The following IRS1 variants were observed in gnomAD, a reference collection of about 807,000 sequenced individuals.
IRS1 encodes insulin receptor substrate 1.
Under a neutral mutation model 65.6 loss-of-function variants are expected in IRS1, and 34 were observed. The ratio of observed to expected loss-of-function variants is 0.52; its 90% CI spans 0.39 to 0.69. The LOEUF is 0.69. Ranked by LOEUF, IRS1 falls within the 30% of genes least tolerant of loss-of-function variation. The pLI, the probability that IRS1 is intolerant of heterozygous loss-of-function variation, is 0.00. For synonymous variants in IRS1, 699 were observed against 683.5 expected (o/e 1.02, Z -0.35); for missense variants, 1,641 against 1,720.2 (o/e 0.95, Z 0.81).
rs542585517 is a variant in IRS1 at position 226,746,343 on chromosome 2, C to T, written c.*22-10093G>A. ...GCTTTTGTTTCCAAATTCTTTTCCC[C>T]AATCTCTCATCTGAAGGAACTGAAC... On this transcript the variant is annotated intron_variant, in intron 1 of 1. Transcript: ENST00000305123. Among the ~76,000 whole-genome samples the T allele has an allele frequency of 8.5e-5, 13 of 152,228 alleles. No homozygotes were observed. In the East Asian group the frequency reaches 2.5e-3, roughly 29 times the overall value.
At chr2:226,758,476 A>G (rs1358022472) in intron 1 of IRS1, among the ~76,000 whole-genome samples, 1 of 152,170 alleles carries the variant, frequency 6.6e-6, no homozygotes, top group Non-Finnish European at 1.5e-5. Context: ...CTTTCCCAAT[A>G]TACAGTTGAA....
Position 226,795,809 on chromosome 2 carries a change from C to T in IRS1, c.2930G>A (p.Arg977Lys), listed in dbSNP as rs765744351. The T allele has an allele frequency of 3.7e-6, 6 of 1,612,906 alleles. No homozygotes were observed. The highest frequency in any genetic ancestry group is 3.4e-6 in the Non-Finnish European group (4 of 1,179,754). ...GCTGCTGGGCACTGCCCGGGTAGGCCTGCAAATGCTAGCAGCCCCGGGAGG... is the reference window on the plus strand; with the variant it reads ...GCTGCTGGGCACTGCCCGGGTAGGCTTGCAAATGCTAGCAGCCCCGGGAGG... Reference protein sequence around the residue: ...PAPPGAASICRPTRAVPSSRG... With the variant: ...PAPPGAASICKPTRAVPSSRG... The change falls in exon 1 of 2, where the codon AGG (arginine) becomes AAG (lysine). Residue 977 changes from arginine (R) to lysine (K), a missense_variant. This residue lies in a region of IRS1 where 1,324 missense variants were observed against 1,361.0 expected (regional missense o/e 0.97). Coordinates refer to ENST00000305123, the MANE Select transcript of IRS1 (RefSeq NM_005544.3).
intron 1 of IRS1, among the ~76,000 whole-genome samples, chr2:226,746,785 CTT>C (rs1213711501): frequency 0.016 from 1,861 of 118,250 alleles, 13 homozygotes; most frequent in African/African-American, 0.056. Context: ...TAGCAGCATT[CTT>C]TTTTTTTTTT....
rs778375751 is a variant in IRS1, at chr2:226,798,616, C to G, written c.123G>C (p.Pro41=). ...VLRAASEAGG[P]ARLEYYENEK... ...CGTTCTCGTAGTACTCGAGGCGCGC[C>G]GGGCCCCCAGCCTCGCTGGCCGCGC... Residue 41 remains proline, a synonymous_variant, in exon 1 of 2, where the codon CCG becomes CCC. Coordinates refer to ENST00000305123, the MANE Select transcript of IRS1 (RefSeq NM_005544.3). The surrounding 1 kb of genome is among the most constrained non-coding windows in gnomAD (Gnocchi z 9.4). 3.1e-6 allele frequency: 5 copies of G among 1,613,158 alleles called. No individual in the cohort carries two copies. The Admixed American group carries it at 8.3e-5, about 27-fold the overall frequency.
chr2:226,789,739 A>T (rs530402149), intron 1 of IRS1, among the ~76,000 whole-genome samples: 1 of 152,300 alleles, frequency 6.6e-6, no homozygotes, highest in Admixed American at 6.5e-5. Context: ...TGACCTTAGG[A>T]TGTAGGAACT....
In IRS1 at chr2:226,796,930, GCTGTCTGGGCGGTGGTGC is replaced by G; in HGVS notation, c.1791_1808del (p.His598_Ser603del). On this transcript the variant is annotated inframe_deletion, in exon 1 of 2. Coordinates refer to ENST00000305123, the MANE Select transcript of IRS1 (RefSeq NM_005544.3). Reference sequence around the variant, plus strand: ...AGCCATCATCCGTGTGGAGGGTGGAGCTGTCTGGGCGGTGGTGCCCCCCCCGACGCTCCAAGGGGTGCA... The same window carrying G: ...AGCCATCATCCGTGTGGAGGGTGGAGCCCCCCCGACGCTCCAAGGGGTGCA... 1 of 1,551,238 alleles carries G rather than the reference GCTGTCTGGGCGGTGGTGC, an allele frequency of 6.4e-7. No individual in the cohort carries two copies. Among genetic ancestry groups the G allele is most frequent in the Non-Finnish European group, 8.7e-7 (1 of 1,146,694 alleles).
intron 1 of IRS1, among the ~76,000 whole-genome samples, chr2:226,746,132 AT>A (rs1938538868): frequency 6.6e-6 from 1 of 152,198 alleles, no homozygotes; most frequent in Non-Finnish European, 1.5e-5. Flanking sequence ...CTTGAAAAAA[AT>A]CAGAAGCTTG....
chr2:226,782,274 C>A (rs1939398645), intron 1 of IRS1, among the ~76,000 whole-genome samples: 1 of 152,064 alleles, frequency 6.6e-6, no homozygotes, highest in Non-Finnish European at 1.5e-5. Context: ...TGTTCTGTAA[C>A]CTCAGGAACA....
At position 226,797,932 on chromosome 2, in the gene IRS1, C is replaced by G. The variant is rs574845417; in HGVS notation, c.807G>C (p.Lys269Asn). Reference protein sequence around the residue: ...AMSDEFRPRSKSQSSSNCSNP... With the variant: ...AMSDEFRPRSNSQSSSNCSNP... Reference sequence around the variant, plus strand: ...TAGAGCAGTTGGACGAGGACTGGCTCTTGCTGCGAGGGCGGAACTCATCAC... The same window carrying G: ...TAGAGCAGTTGGACGAGGACTGGCTGTTGCTGCGAGGGCGGAACTCATCAC... The change falls in exon 1 of 2, where the codon AAG (lysine) becomes AAC (asparagine). Residue 269 changes from lysine to asparagine, a missense_variant. Physicochemically the swap from Lys to Asn is moderately conservative, Grantham distance 94 (BLOSUM62 0). This residue lies in a region of IRS1 where 1,324 missense variants were observed against 1,361.0 expected (regional missense o/e 0.97). Coordinates refer to ENST00000305123, the MANE Select transcript of IRS1 (RefSeq NM_005544.3). This position sits in a 1 kb window ranked among gnomAD's most constrained non-coding sequence, Gnocchi z 8.1. 1 of 1,614,052 alleles carries G rather than the reference C, an allele frequency of 6.2e-7. No individual in the cohort carries two copies. Among genetic ancestry groups the G allele is most frequent in the East Asian group, 2.2e-5 (1 of 44,878 alleles).
In IRS1 at chr2:226,741,786, AACACACAC is replaced by A. The variant is rs145806509; in HGVS notation, c.*22-5544_*22-5537del. On this transcript the variant is annotated intron_variant, in intron 1 of 1. Coordinates refer to ENST00000305123, the MANE Select transcript of IRS1 (RefSeq NM_005544.3). Reference sequence around the variant, plus strand: ...CTGAATCTGGCAAATGAGCCCAGTAAACACACACACACACACACACACACACACACACA... The same window carrying A: ...CTGAATCTGGCAAATGAGCCCAGTAAACACACACACACACACACACACACA... Among the ~76,000 whole-genome samples the A allele has an allele frequency of 4.2e-3, 578 of 138,534 alleles. 3 individuals are homozygous for A. Among genetic ancestry groups the A allele is most frequent in the African/African-American group, 0.014 (518 of 37,020 alleles). The allele number at this position is 138,534 out of a possible 152,430, so 90.9% of individuals were successfully genotyped here.
chr2:226,785,113 C>T (rs934647089), intron 1 of IRS1, among the ~76,000 whole-genome samples: 6 of 152,110 alleles, frequency 3.9e-5, no homozygotes, highest in Admixed American at 3.3e-4. Context: ...TTCTTTTGAG[C>T]ACTGAAAAAT....
chr2:226,752,471 A>T (rs2106163262), intron 1 of IRS1, among the ~76,000 whole-genome samples: 1 of 152,330 alleles, frequency 6.6e-6, no homozygotes, highest in Admixed American at 6.5e-5. Flanking sequence ...GGCCTTAATT[A>T]TTACATGGCA....
chr2:226,792,518 G>C (rs1939632169), intron 1 of IRS1: 1 of 152,366 alleles, frequency 6.6e-6, no homozygotes, highest in Non-Finnish European at 1.5e-5. Context: ...GAAAGGGCAG[G>C]CAGAAAAGGT....
At chr2:226,758,013 A>G (rs576005093) in intron 1 of IRS1, among the ~76,000 whole-genome samples, 1 of 152,360 alleles carries the variant, frequency 6.6e-6, no homozygotes, top group Admixed American at 6.5e-5. Context: ...CAATTTGCCA[A>G]AACATTTATG....
At position 226,795,924 on chromosome 2, in the gene IRS1, C is replaced by T. The variant is rs1254174874; in HGVS notation, c.2815G>A (p.Glu939Lys). The stretch of plus-strand genomic sequence containing the variant: ...CCCAGGTCCATCTTCATGTACTCCT[C>T]AGTGCCAGTCTCTTCCTCTCTGGGA... ...PAPREEETGTEEYMKMDLGPG... is the reference protein window; with the variant it reads ...PAPREEETGTKEYMKMDLGPG... The change falls in exon 1 of 2, where the codon GAG (glutamate) becomes AAG (lysine). Residue 939 changes from glutamate to lysine, a missense_variant. Coordinates refer to ENST00000305123, the MANE Select transcript of IRS1 (RefSeq NM_005544.3). 1.2e-6 allele frequency: 2 copies of T among 1,614,026 alleles called. No homozygotes were observed. Among genetic ancestry groups the T allele is most frequent in the Non-Finnish European group, 1.7e-6 (2 of 1,180,054 alleles).
chr2:226,751,535 G>A (rs1264164919), intron 1 of IRS1, among the ~76,000 whole-genome samples: 1 of 152,002 alleles, frequency 6.6e-6, no homozygotes, highest in African/African-American at 2.4e-5. Context: ...TGCCCGCCTT[G>A]GCCTCCCAAA....
chr2:226,738,123 A>G (rs1016992333), intron 1 of IRS1, among the ~76,000 whole-genome samples: 3 of 152,248 alleles, frequency 2.0e-5, no homozygotes, highest in Non-Finnish European at 4.4e-5. Context: ...CAACAAGGAC[A>G]TGCTACATTG....
intron 1 of IRS1, among the ~76,000 whole-genome samples, chr2:226,771,675 TC>T (rs1281957404): frequency 6.6e-6 from 1 of 152,098 alleles, no homozygotes; most frequent in Non-Finnish European, 1.5e-5. Flanking sequence ...TAAATCCATC[TC>T]TTTAAGATGC....
chr2:226,753,055 T>C (rs373416190), intron 1 of IRS1, among the ~76,000 whole-genome samples: 3 of 152,046 alleles, frequency 2.0e-5, no homozygotes, highest in African/African-American at 4.8e-5. Context: ...GAAAACAAAA[T>C]GGCCCCGAGG....
Sources: gnomAD v4.1 joint callset for allele counts (sites outside exome capture counted in the v4.1 genomes callset) on GRCh38, gnomAD v4.1.1 for gene constraint, gnomAD v4.1.1 regional missense constraint, Gnocchi (gnomAD v3.1) non-coding constraint, MANE v1.5 for transcripts, NCBI Gene and HGNC (gene_info 2026-07-23, HGNC 2026-07-21) for gene names.